The following MAP3K5 variants were observed in gnomAD, a reference collection of about 807,000 sequenced individuals.
The protein encoded by MAP3K5 is ASK-1.
Under a neutral mutation model 158.7 loss-of-function variants are expected in MAP3K5, and 56 were observed. The ratio of observed to expected loss-of-function variants is 0.35; its 90% CI spans 0.28 to 0.44. The LOEUF is 0.44. MAP3K5 is among the 20% of genes least tolerant of loss of function. The pLI is 1.00. For missense variants in MAP3K5, 1,294 were observed against 1,674.8 expected (o/e 0.77, Z 3.97); for synonymous variants, 579 against 601.7 (o/e 0.96, Z 0.55).
chr6:136,585,107 T>G (rs749864341), intron 23 of MAP3K5, among the ~76,000 whole-genome samples: 1 of 106,838 alleles, frequency 9.4e-6, no homozygotes, highest in Non-Finnish European at 2.0e-5. Flanking sequence ...TTCTTTTTGT[T>G]TTTTTTTTTT....
intron 1 of MAP3K5, among the ~76,000 whole-genome samples, chr6:136,770,331 A>G (rs763682848): frequency 4.6e-5 from 7 of 152,170 alleles, no homozygotes; most frequent in African/African-American, 9.7e-5. Flanking sequence ...AAAAGGTTAA[A>G]TTATCTTCAG....
chr6:136,714,211 C>T (rs779100226), intron 2 of MAP3K5, among the ~76,000 whole-genome samples: 23 of 152,160 alleles, frequency 1.5e-4, no homozygotes, highest in African/African-American at 2.2e-4. Context: ...CTCTGGAATC[C>T]GAGTAGATTC....
At chr6:136,651,490 T>C (rs546314781) in intron 10 of MAP3K5, among the ~76,000 whole-genome samples, 1 of 152,334 alleles carries the variant, frequency 6.6e-6, no homozygotes, top group East Asian at 1.9e-4. Flanking sequence ...ACATAGAATG[T>C]CACATCCTTA....
chr6:136,578,555 G>A (rs144657990), intron 25 of MAP3K5, among the ~76,000 whole-genome samples: 2 of 152,064 alleles, frequency 1.3e-5, no homozygotes, highest in African/African-American at 4.8e-5. Flanking sequence ...AACAGAGGAA[G>A]CCTACTTTAG....
At chr6:136,668,706 A>T (rs1779336552) in intron 8 of MAP3K5, among the ~76,000 whole-genome samples, 1 of 152,192 alleles carries the variant, frequency 6.6e-6, no homozygotes, top group Non-Finnish European at 1.5e-5. Context: ...AGCAGATGAG[A>T]TAATGTCTAC....
chr6:136,633,924 T>G (rs995623148), intron 14 of MAP3K5, among the ~76,000 whole-genome samples: 2 of 152,240 alleles, frequency 1.3e-5, no homozygotes, highest in Admixed American at 1.3e-4. Flanking sequence ...GAAACAATGT[T>G]AATTCTACCT....
At position 136,640,409 on chromosome 6, in the gene MAP3K5, C is replaced by T. The variant is rs143348867; in HGVS notation, c.1839-771G>A. Among the ~76,000 whole-genome samples, 218 of 152,278 alleles carry T rather than the reference C, an allele frequency of 1.4e-3. 5 individuals are homozygous for T. In the East Asian group the frequency reaches 0.037, roughly 26 times the overall value. ...AGTCCAGGGGGCACAGTTTGTCAATCCTTATTTTGTGCCTTTGTGCCTGCT... is the reference window on the plus strand; with the variant it reads ...AGTCCAGGGGGCACAGTTTGTCAATTCTTATTTTGTGCCTTTGTGCCTGCT... On this transcript the variant is annotated intron_variant, in intron 12 of 29. Coordinates refer to ENST00000359015, the MANE Select transcript of MAP3K5 (RefSeq NM_005923.4).
chr6:136,683,036 C>T (rs977521444), intron 7 of MAP3K5, among the ~76,000 whole-genome samples: 1 of 152,048 alleles, frequency 6.6e-6, no homozygotes, highest in Non-Finnish European at 1.5e-5. Flanking sequence ...TAAAGACATA[C>T]AAAATGGCGG....
At chr6:136,677,022 C>G (rs946636024) in intron 7 of MAP3K5, among the ~76,000 whole-genome samples, 10 of 151,032 alleles carry the variant, frequency 6.6e-5, no homozygotes, top group African/African-American at 2.4e-4. Flanking sequence ...GAACTCCTGA[C>G]CTTGTGATCC....
At chr6:136,631,000 G>C (rs1305041006) in intron 14 of MAP3K5, among the ~76,000 whole-genome samples, 1 of 152,190 alleles carries the variant, frequency 6.6e-6, no homozygotes, top group African/African-American at 2.4e-5. Flanking sequence ...TCAGAAGGCT[G>C]AGGTGGGAGG....
chr6:136,600,952 T>C, intron 21 of MAP3K5, 70 bp downstream of exon 21: 1 of 1,517,124 alleles, frequency 6.6e-7, no homozygotes, highest in South Asian at 1.1e-5. Flanking sequence ...GGCTACTTGA[T>C]GGGAAGTCTG....
chr6:136,729,341 C>T (rs902526495), intron 1 of MAP3K5, among the ~76,000 whole-genome samples: 21 of 151,812 alleles, frequency 1.4e-4, no homozygotes, highest in African/African-American at 4.9e-4. Context: ...GACAATACCT[C>T]GAACTCTCTG....
chr6:136,755,800 T>C (rs1030660262), intron 1 of MAP3K5, among the ~76,000 whole-genome samples: 14 of 152,036 alleles, frequency 9.2e-5, no homozygotes, highest in Admixed American at 7.2e-4. Flanking sequence ...GCTAGAATAG[T>C]ATCTTGTATA....
In MAP3K5 at chr6:136,715,193, T is replaced by G. The variant is rs148312190; in HGVS notation, c.588+5257A>C. Among the ~76,000 whole-genome samples, 1,092 of 152,264 alleles carry G rather than the reference T, an allele frequency of 7.2e-3. 9 individuals carry two copies. The highest frequency in any genetic ancestry group is 0.01 in the Non-Finnish European group (704 of 68,004). The stretch of plus-strand genomic sequence containing the variant: ...ATGGATAAAATGAGAACAAAGTCTG[T>G]TTGAGTGCAGAAAGGGAAATATCCA... On this transcript the variant is annotated intron_variant, in intron 2 of 29. Coordinates refer to ENST00000359015, the MANE Select transcript of MAP3K5 (RefSeq NM_005923.4).
At chr6:136,614,802 G>A (rs1482852250) in intron 15 of MAP3K5, among the ~76,000 whole-genome samples, 1 of 152,114 alleles carries the variant, frequency 6.6e-6, no homozygotes, top group Non-Finnish European at 1.5e-5. Flanking sequence ...CTTGCATAAT[G>A]TACATTCCAG....
At chr6:136,565,958 A>G (rs925811630) in intron 26 of MAP3K5, among the ~76,000 whole-genome samples, 29 of 152,258 alleles carry the variant, frequency 1.9e-4, no homozygotes, top group African/African-American at 6.8e-4. Context: ...TTGTTGTGAC[A>G]TACTAATGTA....
At chr6:136,618,457 G>A (rs1387890643) in intron 15 of MAP3K5, among the ~76,000 whole-genome samples, 2 of 152,220 alleles carry the variant, frequency 1.3e-5, no homozygotes, top group East Asian at 3.8e-4. Flanking sequence ...TGGTGTTGGT[G>A]TGCTTTGTGT....
chr6:136,781,233 C>T (rs182352089), intron 1 of MAP3K5, among the ~76,000 whole-genome samples: 16 of 152,308 alleles, frequency 1.1e-4, no homozygotes, highest in Non-Finnish European at 1.2e-4. Context: ...CAGCCCAAGA[C>T]TTGCCTGAAG....
At chr6:136,575,918 AACCATCC>A (rs1774597037) in intron 25 of MAP3K5, among the ~76,000 whole-genome samples, 1 of 152,232 alleles carries the variant, frequency 6.6e-6, no homozygotes, top group African/African-American at 2.4e-5. Flanking sequence ...ACAGTTTGAA[AACCATCC>A]ACATATATCC....
Sources: gnomAD v4.1 joint callset for allele counts (sites outside exome capture counted in the v4.1 genomes callset) on GRCh38, gnomAD v4.1.1 for gene constraint, MANE v1.5 for transcripts, NCBI Gene and HGNC (gene_info 2026-07-23, HGNC 2026-07-21) for gene names.